The following FBXL7 variants were observed in gnomAD, a reference collection of about 807,000 sequenced individuals.
FBXL7 encodes F-box and leucine rich repeat protein 7.
Under a neutral mutation model 38.3 loss-of-function variants are expected in FBXL7, and 12 were observed. The observed-to-expected ratio is 0.31, with a 90% CI of 0.20 to 0.51. FBXL7 has a LOEUF of 0.51. FBXL7 is among the 20% of genes least tolerant of loss of function. FBXL7 has a pLI of 0.98. For missense variants in FBXL7, 567 were observed against 676.4 expected (o/e 0.84, Z 1.79); for synonymous variants, 297 against 300.9 (o/e 0.99, Z 0.13).
At chr5:15,862,957 G>A (rs1263341353) in intron 2 of FBXL7, among the ~76,000 whole-genome samples, 4 of 152,150 alleles carry the variant, frequency 2.6e-5, no homozygotes, top group Admixed American at 2.6e-4. Context: ...GAAAGCCCCT[G>A]GGGAACTCAA....
intron 2 of FBXL7, among the ~76,000 whole-genome samples, chr5:15,814,997 C>A (rs1385862878): frequency 6.6e-6 from 1 of 152,132 alleles, no homozygotes; most frequent in South Asian, 2.1e-4. Flanking sequence ...CTCTGATAAG[C>A]AATTATTTCC....
intron 2 of FBXL7, among the ~76,000 whole-genome samples, chr5:15,901,759 TACTC>T (rs1271390089): frequency 6.6e-6 from 1 of 152,216 alleles, no homozygotes; most frequent in Non-Finnish European, 1.5e-5. Flanking sequence ...GTGCACTAAA[TACTC>T]ATTCATGAGT....
At chr5:15,516,696 G>C (rs1736946836) in intron 1 of FBXL7, among the ~76,000 whole-genome samples, 2 of 152,292 alleles carry the variant, frequency 1.3e-5, no homozygotes, top group South Asian at 4.2e-4. Context: ...GACTTCGTGG[G>C]AGGTAATTGA....
chr5:15,884,160 C>T (rs1264578312), intron 2 of FBXL7, among the ~76,000 whole-genome samples: 1 of 152,244 alleles, frequency 6.6e-6, no homozygotes, highest in Non-Finnish European at 1.5e-5. Flanking sequence ...CCTGCCTGCT[C>T]ACATGGCCAC....
chr5:15,565,837 C>T (rs1171475739), intron 1 of FBXL7, among the ~76,000 whole-genome samples: 5 of 152,008 alleles, frequency 3.3e-5, no homozygotes, highest in African/African-American at 7.2e-5. Context: ...TCTTCTATTC[C>T]GGCCTTCAAC....
chr5:15,595,077 C>T (rs1234607044), intron 1 of FBXL7, among the ~76,000 whole-genome samples: 6 of 152,158 alleles, frequency 3.9e-5, no homozygotes, highest in East Asian at 1.9e-4. Context: ...GTAGTCTTTT[C>T]GCCAGCTGCA....
intron 1 of FBXL7, among the ~76,000 whole-genome samples, chr5:15,570,680 TA>T (rs1185594802): frequency 2.6e-5 from 4 of 152,168 alleles, no homozygotes; most frequent in Non-Finnish European, 4.4e-5. Flanking sequence ...TTAACAGAAG[TA>T]CCTTCCAGGG....
intron 2 of FBXL7, among the ~76,000 whole-genome samples, chr5:15,621,282 T>G (rs897688999): frequency 5.9e-5 from 9 of 152,238 alleles, no homozygotes; most frequent in African/African-American, 2.2e-4. Context: ...TTCCTGACAC[T>G]GTAGGGGGGG....
At chr5:15,692,007 T>C (rs905614914) in intron 2 of FBXL7, among the ~76,000 whole-genome samples, 5 of 152,130 alleles carry the variant, frequency 3.3e-5, no homozygotes, top group Admixed American at 6.5e-5. Context: ...GTTCTGGGAA[T>C]GTGCCGTGGC....
chr5:15,529,477 C>T (rs1408195353), intron 1 of FBXL7, among the ~76,000 whole-genome samples: 1 of 152,072 alleles, frequency 6.6e-6, no homozygotes, highest in East Asian at 1.9e-4. Context: ...GCTCTGCCCC[C>T]TGGGTTCACG....
At chr5:15,599,543 G>A (rs1318698226) in intron 1 of FBXL7, among the ~76,000 whole-genome samples, 1 of 152,140 alleles carries the variant, frequency 6.6e-6, no homozygotes, top group Non-Finnish European at 1.5e-5. Context: ...TTTGCTAGAA[G>A]GCTGACGACA....
intron 1 of FBXL7, 117 bp downstream of exon 1, chr5:15,500,830 CCT>C: frequency 7.9e-7 from 1 of 1,263,312 alleles, no homozygotes; most frequent in Middle Eastern, 1.9e-4. Context: ...CATTTGGCAC[CCT>C]GTCTGGGTCA....
At chr5:15,781,467 GTGT>G (rs1019511016) in intron 2 of FBXL7, among the ~76,000 whole-genome samples, 2 of 151,946 alleles carry the variant, frequency 1.3e-5, no homozygotes, top group Admixed American at 1.3e-4. Context: ...GTGTGTGTGT[GTGT>G]TGAGTGTGTA....
At chr5:15,584,184 C>T (rs1049457430) in intron 1 of FBXL7, among the ~76,000 whole-genome samples, 1 of 152,192 alleles carries the variant, frequency 6.6e-6, no homozygotes, top group Non-Finnish European at 1.5e-5. Context: ...TGTTTTCCTC[C>T]TAGTCCTCCA....
chr5:15,662,197 G>T (rs555497160), intron 2 of FBXL7, among the ~76,000 whole-genome samples: 1 of 152,098 alleles, frequency 6.6e-6, no homozygotes, highest in Non-Finnish European at 1.5e-5. Context: ...GTTAATTGGT[G>T]TGAGATGGTA....
At chr5:15,816,960 G>C (rs770144709) in intron 2 of FBXL7, among the ~76,000 whole-genome samples, 2 of 152,094 alleles carry the variant, frequency 1.3e-5, no homozygotes, top group African/African-American at 4.8e-5. Flanking sequence ...ACACCTCTCC[G>C]AATTTCTGTG....
chr5:15,662,712 G>T (rs1383169911), intron 2 of FBXL7, among the ~76,000 whole-genome samples: 1 of 152,104 alleles, frequency 6.6e-6, no homozygotes, highest in African/African-American at 2.4e-5. Context: ...TCAATCTTCT[G>T]CATGTGGCTA....
At position 15,693,752 on chromosome 5, in the gene FBXL7, A is replaced by G. The variant is rs146393731; in HGVS notation, c.127+77680A>G. Among the ~76,000 whole-genome samples the G allele has an allele frequency of 2.8e-4, 43 of 152,294 alleles. No homozygotes were observed. The East Asian group carries it at 7.2e-3, about 25-fold the overall frequency. On this transcript the variant is annotated intron_variant, in intron 2 of 3. Coordinates refer to ENST00000504595, the MANE Select transcript of FBXL7 (RefSeq NM_012304.5). ...GGCCATCAGTGGTGGAACGACGCAG[A>G]TGCTGAGGGAAATTTGGCAGAGGGT...
intron 1 of FBXL7, among the ~76,000 whole-genome samples, chr5:15,534,565 G>A (rs762557339): frequency 6.6e-6 from 1 of 152,138 alleles, no homozygotes; most frequent in Non-Finnish European, 1.5e-5. Flanking sequence ...TTCATCTACT[G>A]AAGGAAATCT....
Sources: gnomAD v4.1 joint callset for allele counts (sites outside exome capture counted in the v4.1 genomes callset) on GRCh38, gnomAD v4.1.1 for gene constraint, MANE v1.5 for transcripts, NCBI Gene and HGNC (gene_info 2026-07-23, HGNC 2026-07-21) for gene names.